The following XYLB variants were observed in gnomAD, a reference collection of about 807,000 sequenced individuals.
The protein encoded by XYLB is xylulose kinase.
A neutral mutation model predicts 78.7 loss-of-function variants in XYLB; 62 were observed. The ratio of observed to expected loss-of-function variants is 0.79; its 90% CI spans 0.64 to 0.97. The LOEUF is 0.97. Among genes scored for constraint, XYLB ranks in the 50% least tolerant of loss-of-function variants. XYLB has a pLI of 0.00. For synonymous variants in XYLB, 245 were observed against 247.4 expected, an observed-to-expected ratio of 0.99 and a Z score of 0.09; for missense variants, 687 against 676.8, an observed-to-expected ratio of 1.02 and a Z score of -0.17.
chr3:38,372,524 T>C (rs745466184), intron 9 of XYLB, 131 bp from the exon 10 acceptor site: 2 of 1,516,804 alleles, frequency 1.3e-6, no homozygotes, highest in East Asian at 4.9e-5. Context: ...GACTCCAGGC[T>C]CTGCAAAAGA....
chr3:38,417,823 C>T (rs190907265), downstream of XYLB, among the ~76,000 whole-genome samples: 620 of 142,534 alleles, frequency 4.3e-3, 4 homozygotes, highest in South Asian at 0.017. Flanking sequence ...GAGGTTGCAG[C>T]GAGCTGAGAT....
At chr3:38,368,853 G>A (rs1290968298) in intron 8 of XYLB, among the ~76,000 whole-genome samples, 1 of 29,210 alleles carries the variant, frequency 3.4e-5, no homozygotes, top group Non-Finnish European at 1.3e-4. Flanking sequence ...GGATCAGTAG[G>A]GGACGATCAT....
At chr3:38,446,783 G>A in the XYLB span, among the ~76,000 whole-genome samples, 4 of 152,066 alleles carry the variant, frequency 2.6e-5, no homozygotes, top group Non-Finnish European at 4.4e-5. Context: ...ATGGACTAAA[G>A]ACTTAAATTC....
At chr3:38,400,085 T>G (rs750732516) in intron 17 of XYLB, among the ~76,000 whole-genome samples, 1 of 152,190 alleles carries the variant, frequency 6.6e-6, no homozygotes, top group African/African-American at 2.4e-5. Flanking sequence ...GGTGTTTGTA[T>G]ATCTGACGCT....
chr3:38,353,753 G>A (rs779869316), intron 2 of XYLB, among the ~76,000 whole-genome samples: 1 of 151,952 alleles, frequency 6.6e-6, no homozygotes, highest in African/African-American at 2.4e-5. Flanking sequence ...TGAGCATGGT[G>A]GTGGGTGCCT....
intron 3 of XYLB, among the ~76,000 whole-genome samples, chr3:38,362,676 G>T (rs1354919980): frequency 6.6e-6 from 1 of 152,094 alleles, no homozygotes; most frequent in East Asian, 1.9e-4. Flanking sequence ...AAAAAAAAAT[G>T]GAGAAGTAAA....
downstream of XYLB, among the ~76,000 whole-genome samples, chr3:38,419,367 A>G (rs185734658): frequency 2.5e-3 from 373 of 151,894 alleles, 2 homozygotes; most frequent in Non-Finnish European, 4.0e-3. Context: ...TAATGCTGCT[A>G]TGAACATTGA....
In XYLB at chr3:38,413,345, A is replaced by G. The variant is rs1474039794; in HGVS notation, c.*332A>G. On this transcript the variant is annotated 3_prime_UTR_variant, in exon 19 of 19. Transcript: ENST00000207870. ...GCAGAGGCAGAATTAAAGCTAATCTAGGGACTCAAATCAGCAGAATGGGGG... is the reference window on the plus strand; with the variant it reads ...GCAGAGGCAGAATTAAAGCTAATCTGGGGACTCAAATCAGCAGAATGGGGG... The G allele has an allele frequency of 4.2e-6, 1 of 235,810 alleles. No homozygotes were observed. Among genetic ancestry groups the G allele is most frequent in the Non-Finnish European group, 8.1e-6 (1 of 123,688 alleles). The allele number at this position is 235,810 out of a possible 1,614,324, so 14.6% of individuals were successfully genotyped here. A position where few individuals can be genotyped will look rare whatever the true frequency, so the allele number is the denominator to read the frequency against.
chr3:38,358,544 A>G (rs1425957438), intron 2 of XYLB, among the ~76,000 whole-genome samples: 6 of 151,942 alleles, frequency 3.9e-5, no homozygotes, highest in Non-Finnish European at 5.9e-5. Context: ...GGGTTTCACC[A>G]TATTGGCCAG....
chr3:38,387,002 T>G (rs1311632687), intron 15 of XYLB, among the ~76,000 whole-genome samples: 1 of 152,262 alleles, frequency 6.6e-6, no homozygotes, highest in Non-Finnish European at 1.5e-5. Context: ...CTGTCATTCT[T>G]AATGTTATTC....
intron 4 of XYLB, among the ~76,000 whole-genome samples, chr3:38,363,650 C>G (rs1380117771): frequency 6.6e-6 from 1 of 152,222 alleles, no homozygotes; most frequent in African/African-American, 2.4e-5. Context: ...GTATTCTCAT[C>G]TGTCATAGGG....
At chr3:38,449,487 G>C in the XYLB span, among the ~76,000 whole-genome samples, 1 of 152,148 alleles carries the variant, frequency 6.6e-6, no homozygotes, top group Non-Finnish European at 1.5e-5. Context: ...TGAACTCCTG[G>C]GCTCAAGTGA....
Position 38,413,754 on chromosome 3 carries a change from A to G in XYLB, c.*741A>G, listed in dbSNP as rs1297760699. On this transcript the variant is annotated 3_prime_UTR_variant, in exon 19 of 19. Transcript: ENST00000207870. ...TGCTTCCTGTGCCCTCCCTTTAGCT[A>G]TGCCCACAGATCACTGAGAGGGACC... is the stretch of plus-strand genomic sequence containing the variant. 2.0e-5 allele frequency: 3 copies of G among 152,042 alleles called. No individual in the cohort carries two copies. Among genetic ancestry groups the G allele is most frequent in the Non-Finnish European group, 4.4e-5 (3 of 68,044 alleles). 9.4% of individuals were successfully genotyped at this position (152,042 alleles called of 1,614,324 possible). A position where few individuals can be genotyped will look rare whatever the true frequency, so the allele number is the denominator to read the frequency against.
downstream of XYLB, among the ~76,000 whole-genome samples, chr3:38,424,931 T>C (rs535376117): frequency 6.6e-6 from 1 of 152,374 alleles, no homozygotes; most frequent in South Asian, 2.1e-4. Context: ...TATCTAATGC[T>C]AGACACTTTG....
chr3:38,360,295 G>C, intron 2 of XYLB, 44 bp from the exon 3 acceptor site: 1 of 1,576,508 alleles, frequency 6.3e-7, no homozygotes. Context: ...GCAATGGTCT[G>C]CCTGCCCTGA....
chr3:38,401,242 C>T (rs1346643251), intron 18 of XYLB, among the ~76,000 whole-genome samples: 2 of 152,004 alleles, frequency 1.3e-5, no homozygotes, highest in Non-Finnish European at 2.9e-5. Context: ...TCACGGTGGG[C>T]CCTTCCATGT....
chr3:38,412,932 C>G lies in XYLB; in HGVS notation c.1534-4C>G. On this transcript the variant is annotated splice_polypyrimidine_tract_variant and splice_region_variant and intron_variant, in intron 18 of 18. Transcript: ENST00000207870. The stretch of plus-strand genomic sequence containing the variant: ...GTTCTAAACTGCTTTTTCTGCCCTT[C>G]TAGGTCTACGAGGCCCTTCTCCCCC... 1.2e-6 allele frequency: 2 copies of G among 1,602,016 alleles called. No individual in the cohort carries two copies. The highest frequency in any genetic ancestry group is 1.7e-6 in the Non-Finnish European group (2 of 1,175,000).
the XYLB span, among the ~76,000 whole-genome samples, chr3:38,442,573 G>C: frequency 6.6e-6 from 1 of 152,158 alleles, no homozygotes; most frequent in Non-Finnish European, 1.5e-5. Flanking sequence ...GCTTCCTCTG[G>C]TATTTGAGAG....
At chr3:38,412,804 A>T (rs961719430) in intron 18 of XYLB, 132 bp from the exon 19 acceptor site, 1 of 721,696 alleles carries the variant, frequency 1.4e-6, no homozygotes, top group Admixed American at 3.4e-5. Flanking sequence ...TTGTGAATTG[A>T]TGCTTTCTTT....
Sources: gnomAD v4.1 joint callset for allele counts (sites outside exome capture counted in the v4.1 genomes callset) on GRCh38, gnomAD v4.1.1 for gene constraint, MANE v1.5 for transcripts, NCBI Gene and HGNC (gene_info 2026-07-23, HGNC 2026-07-21) for gene names.